Variants in XPR1 observed in about 807,000 individuals in gnomAD.
The protein encoded by XPR1 is solute carrier family 53 member 1.
XPR1 carries 28 observed loss-of-function variants against 87.5 expected under a neutral mutation model. That is an observed-to-expected ratio of 0.32 (90% confidence interval 0.24 to 0.44). The LOEUF (loss-of-function observed/expected upper bound fraction) is 0.44, where lower values mean the gene tolerates loss of function less well. Among genes scored for constraint, XPR1 ranks in the 20% least tolerant of loss-of-function variants. The pLI is 1.00. For missense variants in XPR1, 559 were observed against 862.3 expected (o/e 0.65, Z 4.41); for synonymous variants, 300 against 306.1 (o/e 0.98, Z 0.21).
intron 2 of XPR1, among the ~76,000 whole-genome samples, chr1:180,711,459 C>T (rs548629925): frequency 1.5e-3 from 234 of 152,312 alleles, no homozygotes; most frequent in African/African-American, 4.6e-3. Context: ...CAAAAAAATA[C>T]GAAAACCAGT....
intron 3 of XPR1, among the ~76,000 whole-genome samples, chr1:180,795,703 G>A (rs1371044567): frequency 6.6e-6 from 1 of 152,140 alleles, no homozygotes; most frequent in African/African-American, 2.4e-5. Flanking sequence ...GAACTTAGAA[G>A]TTCTACACTG....
At chr1:180,662,503 A>C (rs1218820389) in intron 1 of XPR1, among the ~76,000 whole-genome samples, 5 of 151,992 alleles carry the variant, frequency 3.3e-5, no homozygotes, top group Non-Finnish European at 5.9e-5. Flanking sequence ...GATGTATTGG[A>C]GCTCCATTGT....
intron 11 of XPR1, among the ~76,000 whole-genome samples, chr1:180,854,657 A>G (rs1405877482): frequency 1.3e-5 from 2 of 152,216 alleles, no homozygotes; most frequent in African/African-American, 4.8e-5. Flanking sequence ...CCACAGTGTC[A>G]GATGGTCTGT....
In XPR1 at chr1:180,810,044, T is replaced by A. The variant is rs377132769; in HGVS notation, c.682-1363T>A. 1.2e-4 allele frequency among the ~76,000 whole-genome samples: 18 copies of A among 152,228 alleles called. No homozygotes were observed. The East Asian group carries it at 3.1e-3, about 26-fold the overall frequency. On this transcript the variant is annotated intron_variant, in intron 6 of 14. Coordinates refer to ENST00000367590, the MANE Select transcript of XPR1 (RefSeq NM_004736.4). ...CTATCATCTCTAACAACAAAAAATT[T>A]TATAACATTCACAGCAAATATTTAA... is the stretch of plus-strand genomic sequence containing the variant.
intron 2 of XPR1, among the ~76,000 whole-genome samples, chr1:180,758,474 G>A (rs551501503): frequency 1.3e-5 from 2 of 152,184 alleles, no homozygotes; most frequent in South Asian, 2.1e-4. Context: ...TTGGGAGGCC[G>A]AGGTGGGTGG....
In XPR1 at chr1:180,769,455, TTCTCTCTCTCTC is replaced by T. The variant is rs113535211; in HGVS notation, c.122-18281_122-18270del. Among the ~76,000 whole-genome samples the T allele has an allele frequency of 2.0e-3, 240 of 118,720 alleles. 2 individuals carry two copies. Among genetic ancestry groups the T allele is most frequent in the African/African-American group, 7.4e-3 (233 of 31,504 alleles). The allele number at this position is 118,720 out of a possible 152,430, so 77.9% of individuals were successfully genotyped here. A position where few individuals can be genotyped will look rare whatever the true frequency, so the allele number is the denominator to read the frequency against. On this transcript the variant is annotated intron_variant, in intron 2 of 14. Transcript: ENST00000367590. Reference sequence around the variant, plus strand: ...CTTCCCAGCCTCTGGTAACCATCCTTTCTCTCTCTCTCTCTCTCTCTCTCTCTCAGTTCATCT... The same window carrying T: ...CTTCCCAGCCTCTGGTAACCATCCTTTCTCTCTCTCTCTCTCAGTTCATCT...
rs749737707 is a variant in XPR1, at chr1:180,873,868, G to A, written c.1734G>A (p.Ser578=). The A allele has an allele frequency of 3.1e-5, 50 of 1,613,944 alleles. No individual in the cohort carries two copies. The South Asian group carries it at 4.1e-4, about 13-fold the overall frequency. The stretch of plus-strand genomic sequence containing the variant: ...GCTTTGCTTGGACTATCCAAATCTC[G>A]ATTACCTCTACAACTTTGTTGCCTC... The part of the protein sequence containing the change: ...ILRFAWTIQI[S]ITSTTLLPHS... The change falls in exon 13 of 15, where the codon TCG becomes TCA. Residue 578 remains serine (S), a synonymous_variant. Transcript: ENST00000367590.
At chr1:180,649,093 T>A (rs187313218) in intron 1 of XPR1, among the ~76,000 whole-genome samples, 24 of 152,224 alleles carry the variant, frequency 1.6e-4, no homozygotes, top group Non-Finnish European at 1.3e-4. Context: ...GAGCATTTTC[T>A]AGTGCAAGCT....
At chr1:180,740,453 G>C (rs964559625) in intron 2 of XPR1, among the ~76,000 whole-genome samples, 2 of 151,636 alleles carry the variant, frequency 1.3e-5, no homozygotes, top group Non-Finnish European at 2.9e-5. Flanking sequence ...CTGTAATTTA[G>C]ATTACATTTT....
chr1:180,859,740 C>T (rs1020089491), intron 11 of XPR1, among the ~76,000 whole-genome samples: 1 of 151,982 alleles, frequency 6.6e-6, no homozygotes, highest in Non-Finnish European at 1.5e-5. Flanking sequence ...GCAGTAAGTC[C>T]TCATGTATGT....
chr1:180,822,401 T>G (rs544706164), intron 7 of XPR1, among the ~76,000 whole-genome samples: 1 of 152,330 alleles, frequency 6.6e-6, no homozygotes, highest in East Asian at 1.9e-4. Context: ...TGTCATCTCC[T>G]GAGAGTCTTC....
At chr1:180,661,831 T>C (rs1194902159) in intron 1 of XPR1, among the ~76,000 whole-genome samples, 2 of 152,110 alleles carry the variant, frequency 1.3e-5, no homozygotes, top group East Asian at 3.9e-4. Flanking sequence ...GCCAAGATCA[T>C]GCCACTACAC....
intron 2 of XPR1, among the ~76,000 whole-genome samples, chr1:180,772,469 ATG>A (rs140686059): frequency 8.2e-4 from 125 of 151,872 alleles, no homozygotes; most frequent in African/African-American, 2.7e-3. Context: ...GCTAAGAAAT[ATG>A]TGTGTGTGTG....
At chr1:180,834,832 C>G (rs1219106562) in intron 9 of XPR1, 42 bp from the exon 10 acceptor site, 1 of 1,574,288 alleles carries the variant, frequency 6.4e-7, no homozygotes, top group Non-Finnish European at 8.6e-7. Flanking sequence ...TTTAATACGA[C>G]TTTTCTTGTT....
At chr1:180,645,591 C>T (rs564667939) in intron 1 of XPR1, among the ~76,000 whole-genome samples, 2 of 152,292 alleles carry the variant, frequency 1.3e-5, no homozygotes, top group South Asian at 2.1e-4. Context: ...ATCTCTGGAG[C>T]GGCTCTTGTA....
chr1:180,656,603 A>G (rs1262282746), intron 1 of XPR1, among the ~76,000 whole-genome samples: 2 of 72,274 alleles, frequency 2.8e-5, no homozygotes, highest in African/African-American at 5.0e-5. Flanking sequence ...TATTTTATAT[A>G]TGTATGTATA....
At chr1:180,694,702 C>T (rs1208985995) in intron 2 of XPR1, among the ~76,000 whole-genome samples, 1 of 151,594 alleles carries the variant, frequency 6.6e-6, no homozygotes, top group Non-Finnish European at 1.5e-5. Flanking sequence ...CCCCATTTTT[C>T]AACAATCGAG....
chr1:180,874,107 C>G, intron 13 of XPR1, 165 bp downstream of exon 13: 1 of 857,534 alleles, frequency 1.2e-6, no homozygotes. Flanking sequence ...GTTGGCCAGG[C>G]TGATCTCGAA....
intron 1 of XPR1, among the ~76,000 whole-genome samples, chr1:180,656,409 A>AATATTCATG (rs1655481507): frequency 2.6e-5 from 1 of 38,494 alleles, no homozygotes; most frequent in African/African-American, 1.3e-4. Context: ...AAATATTTAT[A>AATATTCATG]TATTTATATA....
Sources: gnomAD v4.1 joint callset for allele counts (sites outside exome capture counted in the v4.1 genomes callset) on GRCh38, gnomAD v4.1.1 for gene constraint, MANE v1.5 for transcripts, NCBI Gene and HGNC (gene_info 2026-07-23, HGNC 2026-07-21) for gene names.